SLC39A11: variants seen among roughly 807,000 people sequenced by gnomAD.
The protein encoded by SLC39A11 is zinc transporter ZIP11.
A neutral mutation model predicts 36.1 loss-of-function variants in SLC39A11; 33 were observed. The ratio of observed to expected loss-of-function variants is 0.91; its 90% CI spans 0.69 to 1.22. SLC39A11 has a LOEUF of 1.22. SLC39A11 is among the 50% of genes most tolerant of loss of function. The pLI is 0.00. For synonymous variants in SLC39A11, 166 were observed against 170.3 expected (o/e 0.97, Z 0.20); for missense variants, 432 against 430.3 (o/e 1.00, Z -0.03).
chr17:72,820,684 T>A (rs2077741853), intron 6 of SLC39A11, among the ~76,000 whole-genome samples: 1 of 151,162 alleles, frequency 6.6e-6, no homozygotes, highest in Non-Finnish European at 1.5e-5. Context: ...AGGCAAACGA[T>A]GGACGCTATG....
intron 5 of SLC39A11, among the ~76,000 whole-genome samples, chr17:72,930,583 G>C (rs538310231): frequency 6.6e-6 from 1 of 152,208 alleles, no homozygotes; most frequent in African/African-American, 2.4e-5. Flanking sequence ...ACACACAGAA[G>C]AAGCGACTAC....
chr17:72,904,964 G>C lies in SLC39A11; in HGVS notation c.430+42788C>G, dbSNP rs541137928. On this transcript the variant is annotated intron_variant, in intron 5 of 9. Coordinates refer to ENST00000255559, the MANE Select transcript of SLC39A11 (RefSeq NM_139177.4). ...CGAGGCAGGCGGATCACGAGGTCAGGAGATCGAGACCATCCTGGCGAACAT... is the reference window on the plus strand; with the variant it reads ...CGAGGCAGGCGGATCACGAGGTCAGCAGATCGAGACCATCCTGGCGAACAT... 4.7e-3 allele frequency among the ~76,000 whole-genome samples: 710 copies of C among 150,786 alleles called. 5 individuals are homozygous for C. The highest frequency in any genetic ancestry group is 7.5e-3 in the Non-Finnish European group (507 of 67,658).
At chr17:72,902,679 G>A (rs145944932) in intron 5 of SLC39A11, among the ~76,000 whole-genome samples, 235 of 152,230 alleles carry the variant, frequency 1.5e-3, no homozygotes, top group African/African-American at 5.4e-3. Context: ...TAGAATAACC[G>A]GACATACTTT....
intron 6 of SLC39A11, among the ~76,000 whole-genome samples, chr17:72,743,789 GC>G (rs1256765028): frequency 1.3e-5 from 2 of 152,184 alleles, no homozygotes; most frequent in African/African-American, 4.8e-5. Flanking sequence ...TGATGCTCAT[GC>G]CCCCAGTGTC....
At chr17:72,755,071 C>CT (rs397732413) in intron 6 of SLC39A11, among the ~76,000 whole-genome samples, 22 of 151,804 alleles carry the variant, frequency 1.4e-4, no homozygotes, top group African/African-American at 4.8e-4. Context: ...GGGGACACTC[C>CT]AGGACTGGTC....
chr17:72,882,797 C>CT (rs972532779), intron 5 of SLC39A11, among the ~76,000 whole-genome samples: 771 of 60,584 alleles, frequency 0.013, 6 homozygotes, highest in East Asian at 0.019. Flanking sequence ...GAGAATGCTT[C>CT]TTTTTTTTTT....
chr17:72,849,850 T>C (rs2079223790), intron 5 of SLC39A11, 46 bp from the exon 6 acceptor site: 1 of 1,478,756 alleles, frequency 6.8e-7, no homozygotes, highest in African/African-American at 1.4e-5. Context: ...GACAGCGCTT[T>C]GAACATGTGC....
chr17:72,929,446 T>C (rs1366032661), intron 5 of SLC39A11, among the ~76,000 whole-genome samples: 5 of 152,088 alleles, frequency 3.3e-5, no homozygotes, highest in Admixed American at 3.3e-4. Flanking sequence ...TCAAGGTCAA[T>C]GTGCTAAGGA....
chr17:73,021,486 C>A (rs890148898), intron 4 of SLC39A11, among the ~76,000 whole-genome samples: 8 of 152,066 alleles, frequency 5.3e-5, no homozygotes, highest in African/African-American at 1.9e-4. Flanking sequence ...GGATTACAAG[C>A]AGGCACCACC....
chr17:72,936,691 C>A (rs1041665417), intron 5 of SLC39A11, among the ~76,000 whole-genome samples: 5 of 152,122 alleles, frequency 3.3e-5, no homozygotes, highest in Admixed American at 2.6e-4. Flanking sequence ...CAGTTCCCAA[C>A]CTTTTTGGCA....
chr17:72,834,613 C>T (rs2078437482), intron 6 of SLC39A11, among the ~76,000 whole-genome samples: 1 of 144,376 alleles, frequency 6.9e-6, no homozygotes, highest in Admixed American at 6.8e-5. Flanking sequence ...CAGAGTGAGA[C>T]TCCAACTCCA....
chr17:72,795,991 A>AAAATGACT, intron 6 of SLC39A11, among the ~76,000 whole-genome samples: 1 of 152,186 alleles, frequency 6.6e-6, no homozygotes, highest in East Asian at 1.9e-4. Flanking sequence ...TAGTATATAG[A>AAAATGACT]AAATGACTAC....
intron 7 of SLC39A11, among the ~76,000 whole-genome samples, chr17:72,690,871 T>C (rs1273762585): frequency 1.3e-5 from 2 of 151,962 alleles, no homozygotes; most frequent in Non-Finnish European, 2.9e-5. Flanking sequence ...CCAGGTCCAG[T>C]GCAGGGCTGG....
intron 5 of SLC39A11, among the ~76,000 whole-genome samples, chr17:72,919,243 C>T (rs1253290490): frequency 6.6e-6 from 1 of 151,760 alleles, no homozygotes; most frequent in Non-Finnish European, 1.5e-5. Flanking sequence ...AAGACAGTCT[C>T]TGCCCACTCT....
At chr17:72,872,717 A>C (rs1373840393) in intron 5 of SLC39A11, among the ~76,000 whole-genome samples, 1 of 152,100 alleles carries the variant, frequency 6.6e-6, no homozygotes, top group Non-Finnish European at 1.5e-5. Flanking sequence ...CGTTGTGGGG[A>C]CTGAAACTGT....
intron 5 of SLC39A11, among the ~76,000 whole-genome samples, chr17:72,893,442 A>T (rs181484321): frequency 6.6e-6 from 1 of 151,440 alleles, no homozygotes; most frequent in Admixed American, 6.6e-5. Context: ...CCTGGGCGAC[A>T]CAGCAAGACT....
At chr17:73,082,851 A>G (rs2060589889) in intron 3 of SLC39A11, among the ~76,000 whole-genome samples, 1 of 54,206 alleles carries the variant, frequency 1.8e-5, no homozygotes, top group South Asian at 6.5e-4. Flanking sequence ...TCTCTACTAA[A>G]ACCACAAAAA....
chr17:72,956,832 T>C (rs2086269796), intron 4 of SLC39A11, among the ~76,000 whole-genome samples: 1 of 152,210 alleles, frequency 6.6e-6, no homozygotes, highest in Non-Finnish European at 1.5e-5. Flanking sequence ...AAAATGTGTA[T>C]GTATCGCACA....
chr17:72,674,517 G>A (rs1391517966), intron 7 of SLC39A11, among the ~76,000 whole-genome samples: 1 of 152,120 alleles, frequency 6.6e-6, no homozygotes, highest in Non-Finnish European at 1.5e-5. Context: ...GTGTGTCTAC[G>A]TAGTTTCATA....
Sources: allele counts gnomAD v4.1 joint callset (sites outside exome capture counted in the v4.1 genomes callset), GRCh38; gene constraint gnomAD v4.1.1; transcripts MANE v1.5; gene names NCBI Gene and HGNC (gene_info 2026-07-23, HGNC 2026-07-21).